POR: variants seen among roughly 807,000 people sequenced by gnomAD.
POR encodes the protein NADPH--cytochrome P450 reductase.
In POR, 56 loss-of-function variants were observed where a neutral mutation model predicts 84.0. That is an observed-to-expected ratio of 0.67 (90% confidence interval 0.54 to 0.83). POR has a LOEUF of 0.83. POR is among the 40% of genes least tolerant of loss of function. POR has a pLI of 0.00. For missense variants in POR, 938 were observed against 944.3 expected (o/e 0.99, Z 0.09); for synonymous variants, 414 against 400.5 (o/e 1.03, Z -0.40).
intron 2 of POR, among the ~76,000 whole-genome samples, chr7:75,957,872 T>C (rs909182805): frequency 3.3e-5 from 5 of 152,152 alleles, no homozygotes; most frequent in African/African-American, 1.2e-4. Context: ...GACAAATATT[T>C]CTAGTACCAT....
chr7:75,979,366 G>A (rs1179399888), intron 3 of POR, 85 bp from the exon 4 acceptor site: 16 of 1,528,106 alleles, frequency 1.0e-5, no homozygotes, highest in South Asian at 5.9e-5. Context: ...GAGGGCCCCC[G>A]CCTGCCAGGC....
rs192388354 is a variant in POR at position 75,917,589 on chromosome 7, C to A, written c.-5+2410C>A. Reference sequence around the variant, plus strand: ...TTAACTTTCTGTTATATGTCAGACTCACTTAAAAATTAAAGTTAGAAAAAG... The same window carrying A: ...TTAACTTTCTGTTATATGTCAGACTAACTTAAAAATTAAAGTTAGAAAAAG... On this transcript the variant is annotated intron_variant, in intron 1 of 15. Transcript: ENST00000461988. Among the ~76,000 whole-genome samples, 335 of 152,166 alleles carry A rather than the reference C, an allele frequency of 2.2e-3. 1 individual carries two copies. The highest frequency in any genetic ancestry group is 9.4e-3 in the Admixed American group (143 of 15,276).
intron 2 of POR, among the ~76,000 whole-genome samples, chr7:75,972,089 G>A (rs2116532400): frequency 6.6e-6 from 1 of 152,244 alleles, no homozygotes; most frequent in Middle Eastern, 3.4e-3. Context: ...GGAAACCTTG[G>A]CTCTTCCTTG....
At chr7:75,936,088 T>C in intron 1 of POR, among the ~76,000 whole-genome samples, 1 of 103,950 alleles carries the variant, frequency 9.6e-6, no homozygotes, top group East Asian at 2.1e-4. Flanking sequence ...CTTTCTTTCT[T>C]TTTTTTTTTT....
At chr7:75,932,857 C>T (rs1554550313) in intron 1 of POR, among the ~76,000 whole-genome samples, 2 of 151,748 alleles carry the variant, frequency 1.3e-5, no homozygotes, top group African/African-American at 4.8e-5. Flanking sequence ...ATCTCTACTA[C>T]AAATACAAAG....
intron 1 of POR, among the ~76,000 whole-genome samples, chr7:75,940,828 G>A (rs1395192088): frequency 6.6e-6 from 1 of 151,782 alleles, no homozygotes; most frequent in Admixed American, 6.6e-5. Flanking sequence ...TAATGGTGAG[G>A]GTCATCCTGC....
At chr7:75,976,441 TAAA>T (rs10647973) in intron 3 of POR, among the ~76,000 whole-genome samples, 32 of 146,210 alleles carry the variant, frequency 2.2e-4, no homozygotes, top group Non-Finnish European at 1.8e-4. Flanking sequence ...AGATTCCATC[TAAA>T]AAAAAAAAAA....
intron 1 of POR, among the ~76,000 whole-genome samples, chr7:75,927,224 G>A (rs559766788): frequency 8.3e-4 from 127 of 152,136 alleles, no homozygotes; most frequent in African/African-American, 3.0e-3. Context: ...AACAAATCAG[G>A]GCCGGGCTTG....
At chr7:75,928,351 C>T (rs961639272) in intron 1 of POR, among the ~76,000 whole-genome samples, 1 of 152,200 alleles carries the variant, frequency 6.6e-6, no homozygotes, top group East Asian at 1.9e-4. Context: ...CTCCAGTTCC[C>T]TGTCATCTTG....
Position 75,971,669 on chromosome 7 carries a change from G to A in POR, c.189-744G>A, listed in dbSNP as rs41299463. On this transcript the variant is annotated intron_variant, in intron 2 of 15. Transcript: ENST00000461988. ...AACGCAGAGAAGGGAAAAATGAAAT[G>A]TGGCCCAGTGCAGGGGAAGCAGAGG... 3.3e-3 allele frequency among the ~76,000 whole-genome samples: 501 copies of A among 152,254 alleles called. 3 individuals carry two copies. Among genetic ancestry groups the A allele is most frequent in the African/African-American group, 0.011 (475 of 41,544 alleles).
chr7:75,939,189 A>C (rs1035945417), intron 1 of POR, among the ~76,000 whole-genome samples: 1 of 152,212 alleles, frequency 6.6e-6, no homozygotes, highest in East Asian at 1.9e-4. Flanking sequence ...TGCTGCACGC[A>C]TGGACGTAAG....
At position 75,985,337 on chromosome 7, in the gene POR, C is replaced by G. The variant is rs1404773342; in HGVS notation, c.1398+130C>G. The G allele has an allele frequency of 2.4e-6, 3 of 1,263,054 alleles. No homozygotes were observed. In the African/African-American group the frequency reaches 4.5e-5, roughly 19 times the overall value. 78.2% of individuals were successfully genotyped at this position (1,263,054 alleles called of 1,614,324 possible). A position where few individuals can be genotyped will look rare whatever the true frequency, so the allele number is the denominator to read the frequency against. ...CTCCAGTTCCAGCCCCAGCGCAGCT[C>G]CAAATGCCTCCCCAGGCTGTGGACT... On this transcript the variant is annotated intron_variant, in intron 12 of 15. Transcript: ENST00000461988.
chr7:75,986,429 AC>A lies in POR; in HGVS notation c.1992del (p.Tyr664Ter). 6.2e-7 allele frequency: 1 copy of A among 1,612,390 alleles called. No individual in the cohort carries two copies. The highest frequency in any genetic ancestry group is 8.5e-7 in the Non-Finnish European group (1 of 1,179,844). ...ATGGAGCACGCGCAGGCGGTGGACT[AC>A]ATCAAGAAACTGATGACCAAGGGCC... On this transcript the variant is annotated frameshift_variant, in exon 16 of 16. Coordinates refer to ENST00000461988, the MANE Select transcript of POR (RefSeq NM_000941.3). LOFTEE classifies it high-confidence loss of function.
At chr7:75,970,295 G>A (rs534737043) in intron 2 of POR, among the ~76,000 whole-genome samples, 26 of 152,020 alleles carry the variant, frequency 1.7e-4, no homozygotes, top group Non-Finnish European at 2.6e-4. Flanking sequence ...ATTTATATCG[G>A]TTGGTTGGTT....
intron 1 of POR, among the ~76,000 whole-genome samples, chr7:75,918,461 A>T (rs1468210856): frequency 1.3e-5 from 2 of 152,154 alleles, no homozygotes; most frequent in Admixed American, 1.3e-4. Context: ...ACCAAGCCTT[A>T]GTTTCTTCAT....
chr7:75,926,001 C>T (rs1807096672), intron 1 of POR, among the ~76,000 whole-genome samples: 1 of 150,310 alleles, frequency 6.7e-6, no homozygotes. Context: ...GTACAGTGTC[C>T]TGCTTTTTTT....
intron 2 of POR, among the ~76,000 whole-genome samples, chr7:75,959,752 G>A (rs1425526787): frequency 6.6e-6 from 1 of 152,160 alleles, no homozygotes; most frequent in Admixed American, 6.6e-5. Flanking sequence ...CACTGTACGG[G>A]GCCAAACACA....
At chr7:75,972,742 C>A (rs1358721271) in intron 3 of POR, 3 of 516,324 alleles carry the variant, frequency 5.8e-6, no homozygotes, top group African/African-American at 1.9e-5. Flanking sequence ...TCCCGTCTGG[C>A]CCTGGCCTGT....
At chr7:75,956,676 G>A (rs543045311) in intron 2 of POR, among the ~76,000 whole-genome samples, 2 of 152,228 alleles carry the variant, frequency 1.3e-5, no homozygotes, top group East Asian at 3.9e-4. Flanking sequence ...GCACGATCAG[G>A]ACCACAGAGC....
Sources: allele counts gnomAD v4.1 joint callset (sites outside exome capture counted in the v4.1 genomes callset), GRCh38; gene constraint gnomAD v4.1.1; transcripts MANE v1.5; gene names NCBI Gene and HGNC (gene_info 2026-07-23, HGNC 2026-07-21).